The following MCTP2 variants were observed in gnomAD, a reference collection of about 807,000 sequenced individuals.
The protein encoded by MCTP2 is multiple C2 and transmembrane domain-containing protein 2.
In MCTP2, 132 loss-of-function variants were observed where a neutral mutation model predicts 111.6. That is an observed-to-expected ratio of 1.18 (90% CI 1.03 to 1.37). MCTP2 has a LOEUF of 1.37. Among genes scored for constraint, MCTP2 ranks in the 40% most tolerant of loss-of-function variants. The probability of loss-of-function intolerance (pLI) is 0.00; values close to 1 mark genes in which losing one functional copy is unlikely to be tolerated. For missense variants in MCTP2, 1,183 were observed against 1,067.9 expected (o/e 1.11, Z -1.50); for synonymous variants, 395 against 387.7 (o/e 1.02, Z -0.22).
At chr15:94,319,157 CTAT>C (rs1417451271) in intron 4 of MCTP2, among the ~76,000 whole-genome samples, 8 of 151,890 alleles carry the variant, frequency 5.3e-5, no homozygotes, top group East Asian at 1.9e-4. Flanking sequence ...TATGCTCTGA[CTAT>C]GTCAACTTCT....
chr15:94,358,217 T>C (rs2060374), intron 9 of MCTP2, among the ~76,000 whole-genome samples: 68,487 of 151,980 alleles, frequency 0.45, 15,592 homozygotes, highest in Admixed American at 0.5. Flanking sequence ...GTATATATAA[T>C]TTATGGTTTC....
At chr15:94,278,571 G>T (rs1001919028) in intron 1 of MCTP2, among the ~76,000 whole-genome samples, 2 of 152,094 alleles carry the variant, frequency 1.3e-5, no homozygotes, top group Admixed American at 6.5e-5. Flanking sequence ...GATTTGATTT[G>T]ATTTTTATTT....
chr15:94,287,367 T>C (rs995178578), intron 1 of MCTP2, among the ~76,000 whole-genome samples: 11 of 152,210 alleles, frequency 7.2e-5, no homozygotes, highest in African/African-American at 2.7e-4. Flanking sequence ...TATATTGTTC[T>C]GGGAAATACG....
At chr15:94,371,338 G>A (rs113518253) in intron 12 of MCTP2, among the ~76,000 whole-genome samples, 1 of 152,048 alleles carries the variant, frequency 6.6e-6, no homozygotes, top group Non-Finnish European at 1.5e-5. Flanking sequence ...TGTTAATTAA[G>A]ACATTTTTCT....
intron 2 of MCTP2, among the ~76,000 whole-genome samples, chr15:94,307,074 C>T (rs1479667257): frequency 1.3e-5 from 2 of 152,136 alleles, no homozygotes; most frequent in Admixed American, 6.5e-5. Context: ...GGCTCAGTCT[C>T]GCTGTTCTTC....
intron 1 of MCTP2, among the ~76,000 whole-genome samples, chr15:94,271,872 G>A (rs1257857212): frequency 6.6e-6 from 1 of 152,094 alleles, no homozygotes; most frequent in East Asian, 1.9e-4. Context: ...TTTCTTTTGG[G>A]CTAACCTTTC....
At chr15:94,251,314 T>G (rs1180373185) in intron 1 of MCTP2, among the ~76,000 whole-genome samples, 1 of 152,232 alleles carries the variant, frequency 6.6e-6, no homozygotes, top group East Asian at 1.9e-4. Flanking sequence ...TTTGTCATTT[T>G]TATGTTTTCT....
At chr15:94,474,751 G>C (rs2074212062) in intron 21 of MCTP2, among the ~76,000 whole-genome samples, 1 of 152,312 alleles carries the variant, frequency 6.6e-6, no homozygotes, top group East Asian at 1.9e-4. Flanking sequence ...CGGTCTCACA[G>C]AGTTGTGAAT....
chr15:94,443,063 TTAA>T, intron 19 of MCTP2, 103 bp downstream of exon 19: 1 of 822,728 alleles, frequency 1.2e-6, no homozygotes, highest in Non-Finnish European at 1.9e-6. Flanking sequence ...TTTTTTTTTT[TTAA>T]TATGATAGAG....
At chr15:94,429,587 T>C (rs910642702) in intron 17 of MCTP2, among the ~76,000 whole-genome samples, 1 of 152,234 alleles carries the variant, frequency 6.6e-6, no homozygotes, top group Non-Finnish European at 1.5e-5. Context: ...TATCTCTTTG[T>C]CTCTGGCATT....
At chr15:94,298,147 T>A in intron 1 of MCTP2, 54 bp from the exon 2 acceptor site, 1 of 773,318 alleles carries the variant, frequency 1.3e-6, no homozygotes, top group Admixed American at 2.9e-5. Context: ...CCAAGAAGGT[T>A]CATGTTTTTT....
intron 20 of MCTP2, among the ~76,000 whole-genome samples, chr15:94,463,652 A>T (rs990865201): frequency 6.6e-6 from 1 of 152,136 alleles, no homozygotes; most frequent in South Asian, 2.1e-4. Flanking sequence ...TTCTTTTCTC[A>T]TGGGATCTCA....
Position 94,356,138 on chromosome 15 carries a change from C to T in MCTP2, c.1007C>T (p.Ser336Phe), listed in dbSNP as rs756697149. ...TGTCATCTTTATTTTTTGCTTTAGT[C>T]CTCTTTGATACGCAACCTACGGCTC... ...SNRKRLSASKSSLIRNLRLSE... is the reference protein window; with the variant it reads ...SNRKRLSASKFSLIRNLRLSE... Residue 336 changes from serine to phenylalanine, a missense_variant and splice_region_variant, in exon 9 of 23, where the codon TCC (serine) becomes TTC (phenylalanine). Coordinates refer to ENST00000357742, the MANE Select transcript of MCTP2 (RefSeq NM_001385001.1). The T allele has an allele frequency of 6.3e-7, 1 of 1,577,478 alleles. No homozygotes were observed. Among genetic ancestry groups the T allele is most frequent in the African/African-American group, 1.4e-5 (1 of 73,084 alleles).
At chr15:94,454,454 G>C (rs1308505543) in intron 19 of MCTP2, among the ~76,000 whole-genome samples, 1 of 152,126 alleles carries the variant, frequency 6.6e-6, no homozygotes. Context: ...ACAAGGTTGT[G>C]TGATAAAGAT....
At chr15:94,441,010 A>G (rs1472942481) in intron 18 of MCTP2, among the ~76,000 whole-genome samples, 1 of 151,260 alleles carries the variant, frequency 6.6e-6, no homozygotes, top group Admixed American at 6.6e-5. Flanking sequence ...CTTTTTTTTT[A>G]TGATGTAATC....
At chr15:94,363,810 C>A (rs1017611249) in intron 10 of MCTP2, among the ~76,000 whole-genome samples, 2 of 152,024 alleles carry the variant, frequency 1.3e-5, no homozygotes, top group African/African-American at 4.8e-5. Flanking sequence ...ACCTTCTGAA[C>A]GACTGTCCAA....
Position 94,476,708 on chromosome 15 carries a change from T to C in MCTP2, c.2483T>C (p.Phe828Ser). 1 of 1,584,380 alleles carries C rather than the reference T, an allele frequency of 6.3e-7. No individual in the cohort carries two copies. Residue 828 changes from phenylalanine to serine, a missense_variant, in exon 22 of 23, where the codon TTT becomes TCT. Phe to Ser is a radical substitution (Grantham distance 155). Coordinates refer to ENST00000357742, the MANE Select transcript of MCTP2 (RefSeq NM_001385001.1). ...TTCTATTTTTCAGGCATAAATAAAT[T>C]TACTAAGAAGCTTCGAAATCCCTAT... ...YIILIWGINK[F>S]TKKLRNPYSI...
intron 1 of MCTP2, among the ~76,000 whole-genome samples, chr15:94,281,062 T>A (rs574880571): frequency 6.6e-6 from 1 of 152,272 alleles, no homozygotes; most frequent in East Asian, 1.9e-4. Flanking sequence ...GTTGGAGTAT[T>A]CTGTAGAAGT....
chr15:94,436,557 G>C (rs1407060158), intron 17 of MCTP2, among the ~76,000 whole-genome samples: 10 of 152,074 alleles, frequency 6.6e-5, no homozygotes, highest in African/African-American at 2.2e-4. Context: ...CTCAATTTTT[G>C]TTGTAAAACA....
Sources: allele counts gnomAD v4.1 joint callset (sites outside exome capture counted in the v4.1 genomes callset), GRCh38; gene constraint gnomAD v4.1.1; transcripts MANE v1.5; gene names NCBI Gene and HGNC (gene_info 2026-07-23, HGNC 2026-07-21).